LOC400499: variants seen among roughly 807,000 people sequenced by gnomAD.
At chr16:11,475,657 G>C in the LOC400499 span, 3 of 399,110 alleles carry the variant, frequency 7.5e-6, no homozygotes, top group Non-Finnish European at 1.3e-5. Context: ...ACCTCAGAAG[G>C]GCCAGGGACA....
chr16:11,387,679 G>A, the LOC400499 span, among the ~76,000 whole-genome samples: 1 of 152,090 alleles, frequency 6.6e-6, no homozygotes, highest in Non-Finnish European at 1.5e-5. Flanking sequence ...CCAGGCTGGA[G>A]TGTAGTGGCA....
At chr16:11,460,746 G>A in the LOC400499 span, 1 of 1,331,234 alleles carries the variant, frequency 7.5e-7, no homozygotes, top group South Asian at 1.6e-5. Flanking sequence ...CACTCCATTA[G>A]AACCTGTCGA....
the LOC400499 span, chr16:11,399,464 G>A: frequency 2.5e-6 from 1 of 399,986 alleles, no homozygotes. Context: ...CTGCTCCCCT[G>A]ACCTCACCTC....
the LOC400499 span, among the ~76,000 whole-genome samples, chr16:11,464,770 G>C: frequency 6.6e-6 from 1 of 152,202 alleles, no homozygotes; most frequent in Non-Finnish European, 1.5e-5. Flanking sequence ...TTTCTCCAAA[G>C]GCAAACATTT....
chr16:11,384,101 G>T, the LOC400499 span: 2 of 1,228,352 alleles, frequency 1.6e-6, no homozygotes, highest in Non-Finnish European at 2.0e-6. Context: ...CCCAAACCCT[G>T]GGCCTACGAA....
chr16:11,519,292 C>T, the LOC400499 span, among the ~76,000 whole-genome samples: 6 of 152,282 alleles, frequency 3.9e-5, no homozygotes, highest in East Asian at 1.2e-3. Flanking sequence ...GTAGAGCAGA[C>T]AAAGGCTTTG....
the LOC400499 span, among the ~76,000 whole-genome samples, chr16:11,506,793 C>T: frequency 6.6e-6 from 1 of 152,196 alleles, no homozygotes; most frequent in African/African-American, 2.4e-5. Context: ...TGCCCACCAT[C>T]AATGGGGAGG....
chr16:11,485,964 T>C, the LOC400499 span, among the ~76,000 whole-genome samples: 1 of 152,156 alleles, frequency 6.6e-6, no homozygotes, highest in Non-Finnish European at 1.5e-5. Context: ...GGTGGGTATG[T>C]CCATGTATGG....
chr16:11,527,529 C>T, the LOC400499 span, among the ~76,000 whole-genome samples: 1 of 152,124 alleles, frequency 6.6e-6, no homozygotes, highest in East Asian at 1.9e-4. Context: ...TTTTTAATTG[C>T]AGTATAATTA....
the LOC400499 span, chr16:11,450,479 G>A: frequency 2.4e-6 from 2 of 822,144 alleles, no homozygotes; most frequent in African/African-American, 1.7e-5. Flanking sequence ...GCAGGCACTG[G>A]GAGGGCCAGA....
At chr16:11,409,098 C>G in the LOC400499 span, among the ~76,000 whole-genome samples, 3 of 151,406 alleles carry the variant, frequency 2.0e-5, no homozygotes, top group African/African-American at 7.3e-5. Flanking sequence ...CCATCTCTAC[C>G]AAAAATACAA....
At chr16:11,459,386 C>T in the LOC400499 span, among the ~76,000 whole-genome samples, 4,488 of 151,768 alleles carry the variant, frequency 0.03, 222 homozygotes, top group East Asian at 0.19. Context: ...TTAGTAGAGA[C>T]GGTGTTTCGC....
the LOC400499 span, chr16:11,456,892 C>A: frequency 6.5e-7 from 1 of 1,536,208 alleles, no homozygotes; most frequent in Non-Finnish European, 8.7e-7. Flanking sequence ...CGAGATGTGT[C>A]CTTCCACTGC....
chr16:11,450,555 A>C, the LOC400499 span: 9 of 1,511,336 alleles, frequency 6.0e-6, no homozygotes, highest in African/African-American at 1.2e-4. Flanking sequence ...TGCACCAGAA[A>C]AAGATCTCAG....
chr16:11,495,731 T>C, the LOC400499 span, among the ~76,000 whole-genome samples: 3 of 152,250 alleles, frequency 2.0e-5, no homozygotes, highest in Admixed American at 2.0e-4. Context: ...GCCAGACTGC[T>C]GATAACATGT....
the LOC400499 span, among the ~76,000 whole-genome samples, chr16:11,402,894 A>G: frequency 3.3e-3 from 502 of 152,190 alleles, 2 homozygotes; most frequent in African/African-American, 0.011. Flanking sequence ...GGGGCCTCAC[A>G]TGCACAGGTG....
the LOC400499 span, among the ~76,000 whole-genome samples, chr16:11,447,201 G>C: frequency 1.3e-5 from 2 of 152,212 alleles, no homozygotes; most frequent in African/African-American, 4.8e-5. Context: ...GTGTCACACA[G>C]ACTGGGATTA....
At chr16:11,484,406 T>C in the LOC400499 span, among the ~76,000 whole-genome samples, 3 of 152,134 alleles carry the variant, frequency 2.0e-5, no homozygotes, top group African/African-American at 7.2e-5. Context: ...TGTACATGGG[T>C]CAGAATGTAT....
At chr16:11,440,669 A>G in the LOC400499 span, 1 of 398,642 alleles carries the variant, frequency 2.5e-6, no homozygotes, top group Non-Finnish European at 4.4e-6. Context: ...ACCTTCACTA[A>G]AGGTTATTAA....
Sources: gnomAD v4.1 joint callset for allele counts (sites outside exome capture counted in the v4.1 genomes callset) on GRCh38, gnomAD v4.1.1 for gene constraint, MANE v1.5 for transcripts.